The following SUGCT variants were observed in gnomAD, a reference collection of about 807,000 sequenced individuals.
The protein encoded by SUGCT is succinyl-CoA:glutarate-CoA transferase.
SUGCT carries 41 observed loss-of-function variants against 55.0 expected under a neutral mutation model. The ratio of observed to expected loss-of-function variants is 0.74; its 90% CI spans 0.58 to 0.97. The LOEUF is 0.97. Among genes scored for constraint, SUGCT ranks in the 50% least tolerant of loss-of-function variants. The pLI is 0.00. For synonymous variants in SUGCT, 187 were observed against 200.4 expected (o/e 0.93, Z 0.56); for missense variants, 568 against 547.8 (o/e 1.04, Z -0.37).
chr7:40,245,824 C>A (rs1447218941), intron 7 of SUGCT, among the ~76,000 whole-genome samples: 1 of 151,614 alleles, frequency 6.6e-6, no homozygotes, highest in African/African-American at 2.4e-5. Context: ...ATGGGGTATC[C>A]ATCACCTCAA....
intron 12 of SUGCT, among the ~76,000 whole-genome samples, chr7:40,498,460 C>G (rs1414525108): frequency 2.0e-5 from 3 of 152,062 alleles, no homozygotes; most frequent in African/African-American, 7.2e-5. Context: ...CCTCTGCAGT[C>G]CCCCCTCCCC....
chr7:40,862,294 A>G (rs532386328), downstream of SUGCT, among the ~76,000 whole-genome samples: 1 of 152,314 alleles, frequency 6.6e-6, no homozygotes. Flanking sequence ...TAGTGAAATC[A>G]TATATGTAAG....
At chr7:40,996,836 A>T in the SUGCT span, among the ~76,000 whole-genome samples, 2,172 of 152,300 alleles carry the variant, frequency 0.014, 46 homozygotes, top group African/African-American at 0.049. Flanking sequence ...GGAAAAGCCA[A>T]ACTATTCTCT....
At chr7:40,238,541 A>G (rs1789158069) in intron 7 of SUGCT, among the ~76,000 whole-genome samples, 1 of 152,164 alleles carries the variant, frequency 6.6e-6, no homozygotes, top group South Asian at 2.1e-4. Flanking sequence ...CATTCTCCAA[A>G]TCACTTCTTC....
chr7:40,722,251 G>A (rs999698927), intron 12 of SUGCT, among the ~76,000 whole-genome samples: 4 of 152,154 alleles, frequency 2.6e-5, no homozygotes, highest in Admixed American at 2.0e-4. Flanking sequence ...GCTGACAGCT[G>A]TGAAAACAAA....
chr7:40,424,396 G>C (rs1787475443), intron 9 of SUGCT, among the ~76,000 whole-genome samples: 1 of 152,104 alleles, frequency 6.6e-6, no homozygotes, highest in Non-Finnish European at 1.5e-5. Context: ...AATTCTATAA[G>C]CACTGCCTGA....
intron 12 of SUGCT, among the ~76,000 whole-genome samples, chr7:40,683,522 A>C (rs899229697): frequency 2.0e-5 from 3 of 152,172 alleles, no homozygotes; most frequent in Non-Finnish European, 2.9e-5. Flanking sequence ...AACGTGGAAG[A>C]AATTTGGTTG....
chr7:40,561,688 CTTT>C (rs777766517), intron 12 of SUGCT, among the ~76,000 whole-genome samples: 2 of 100,160 alleles, frequency 2.0e-5, no homozygotes, highest in Non-Finnish European at 2.0e-5. Flanking sequence ...TAAGCCGAGT[CTTT>C]TTTTTTTTTT....
chr7:40,455,039 A>T (rs1314792903), intron 10 of SUGCT, among the ~76,000 whole-genome samples: 1 of 152,144 alleles, frequency 6.6e-6, no homozygotes, highest in Non-Finnish European at 1.5e-5. Flanking sequence ...GTCTGATGGG[A>T]TTTTCAGTGT....
chr7:40,448,086 A>G (rs1788945173), intron 9 of SUGCT, among the ~76,000 whole-genome samples: 1 of 152,152 alleles, frequency 6.6e-6, no homozygotes, highest in African/African-American at 2.4e-5. Flanking sequence ...ATAAAGCCAC[A>G]TGAGGTCCAG....
rs202125224 is a variant in SUGCT, at chr7:40,245,404, CATATAT to C, written c.576+7693_576+7698del. The stretch of plus-strand genomic sequence containing the variant: ...TAAATTTTTATAGGTACGTAGTAGA[CATATAT>C]ATATATATATATATTTTTTTTTTTT... On this transcript the variant is annotated intron_variant, in intron 7 of 13. Transcript: ENST00000335693. 6.4e-4 allele frequency among the ~76,000 whole-genome samples: 34 copies of C among 53,264 alleles called. No individual in the cohort carries two copies. The East Asian group carries it at 7.3e-3, about 11-fold the overall frequency. The allele number at this position is 53,264 out of a possible 152,430, so 34.9% of individuals were successfully genotyped here.
At chr7:40,135,300 C>T (rs946094022) in intron 1 of SUGCT, among the ~76,000 whole-genome samples, 180 bp downstream of exon 1, 2 of 152,242 alleles carry the variant, frequency 1.3e-5, no homozygotes, top group Admixed American at 6.5e-5. Context: ...GCTCTGGCCG[C>T]CCAGGGTCGC....
chr7:40,523,891 T>C (rs1793678222), intron 12 of SUGCT, among the ~76,000 whole-genome samples: 1 of 152,200 alleles, frequency 6.6e-6, no homozygotes, highest in South Asian at 2.1e-4. Context: ...TTTCTCTCAA[T>C]TTTTTTCTTT....
intron 1 of SUGCT, among the ~76,000 whole-genome samples, chr7:40,138,286 G>A (rs1278413383): frequency 6.6e-6 from 1 of 152,098 alleles, no homozygotes; most frequent in Non-Finnish European, 1.5e-5. Context: ...TTAAGATAAT[G>A]GCCCCCAGTT....
At chr7:41,038,027 C>T in the SUGCT span, among the ~76,000 whole-genome samples, 10 of 152,096 alleles carry the variant, frequency 6.6e-5, no homozygotes, top group Non-Finnish European at 1.0e-4. Context: ...ACCCTGCAAG[C>T]GGGGGAAGAG....
intron 9 of SUGCT, among the ~76,000 whole-genome samples, chr7:40,409,480 G>A (rs566150822): frequency 1.3e-4 from 20 of 151,586 alleles, no homozygotes; most frequent in Non-Finnish European, 2.2e-4. Context: ...GTCTGATCCT[G>A]AACTCCTGAG....
intron 12 of SUGCT, among the ~76,000 whole-genome samples, chr7:40,571,912 C>T (rs1796473536): frequency 6.6e-6 from 1 of 152,158 alleles, no homozygotes; most frequent in Non-Finnish European, 1.5e-5. Context: ...AGTGGTCAAC[C>T]TCAGCAAAGT....
intron 8 of SUGCT, among the ~76,000 whole-genome samples, chr7:40,290,050 G>T (rs1409105847): frequency 6.6e-6 from 1 of 151,998 alleles, no homozygotes; most frequent in Admixed American, 6.6e-5. Flanking sequence ...TGGATAGGAA[G>T]AATCAATATC....
intron 9 of SUGCT, among the ~76,000 whole-genome samples, chr7:40,340,553 T>A (rs1796989307): frequency 6.6e-6 from 1 of 152,036 alleles, no homozygotes; most frequent in Non-Finnish European, 1.5e-5. Context: ...ATATCAAAGA[T>A]TAGGAGCTCA....
Sources: gnomAD v4.1 joint callset for allele counts (sites outside exome capture counted in the v4.1 genomes callset) on GRCh38, gnomAD v4.1.1 for gene constraint, MANE v1.5 for transcripts, NCBI Gene and HGNC (gene_info 2026-07-23, HGNC 2026-07-21) for gene names.